The following CLPTM1L variants were observed in gnomAD, a reference collection of about 807,000 sequenced individuals.
CLPTM1L encodes CLPTM1 like, also known as lipid scramblase CLPTM1L.
A neutral mutation model predicts 70.9 loss-of-function variants in CLPTM1L; 38 were observed. That is an observed-to-expected ratio of 0.54 (90% confidence interval 0.41 to 0.70). The LOEUF (loss-of-function observed/expected upper bound fraction) is 0.70, where lower values mean the gene tolerates loss of function less well. Among genes scored for constraint, CLPTM1L ranks in the 30% least tolerant of loss-of-function variants. The pLI is 0.00. For missense variants in CLPTM1L, 652 were observed against 705.9 expected (o/e 0.92, Z 0.87); for synonymous variants, 339 against 299.9 (o/e 1.13, Z -1.35).
chr5:1,319,711 G>A (rs879502077), intron 16 of CLPTM1L, among the ~76,000 whole-genome samples: 1 of 152,228 alleles, frequency 6.6e-6, no homozygotes, highest in Non-Finnish European at 1.5e-5. Flanking sequence ...TCCTGGTCGG[G>A]GGAGGGAGAT....
intron 13 of CLPTM1L, 64 bp from the exon 14 acceptor site, chr5:1,321,883 C>A: frequency 2.0e-6 from 3 of 1,489,940 alleles, no homozygotes; most frequent in Non-Finnish European, 2.8e-6. Flanking sequence ...TACGCACAGA[C>A]GGCACTCACG....
rs755304595 is a variant in CLPTM1L, at chr5:1,341,679, C to G, written c.445G>C (p.Asp149His). 1.2e-6 allele frequency: 2 copies of G among 1,606,800 alleles called. No homozygotes were observed. The highest frequency in any genetic ancestry group is 8.5e-7 in the Non-Finnish European group (1 of 1,174,132). The change falls in exon 3 of 17, where the codon GAT (aspartate) becomes CAT (histidine). Residue 149 changes from aspartate to histidine, a missense_variant. Physicochemically the swap from Asp to His is moderately conservative, Grantham distance 81. This residue lies in a region of CLPTM1L where 402 missense variants were observed against 388.2 expected (regional missense o/e 1.04). Transcript: ENST00000320895. ...EEINLLTGES[D>H]TQQIEAEKKP... is the part of the protein sequence containing the mutation. ...CCCATGAAGACCCTCACCTGTGTAT[C>G]AGACTCCCCGGTGAGCAGGTTGATT... is the stretch of plus-strand genomic sequence containing the variant.
intron 7 of CLPTM1L, among the ~76,000 whole-genome samples, chr5:1,333,729 C>T (rs55702039): frequency 1.1e-4 from 14 of 130,304 alleles, no homozygotes; most frequent in African/African-American, 1.2e-4. Flanking sequence ...TGTATACACA[C>T]CGGATGAGGA....
chr5:1,327,943 G>C (rs62329695), intron 9 of CLPTM1L, among the ~76,000 whole-genome samples: 15 of 21,890 alleles, frequency 6.9e-4, no homozygotes, highest in African/African-American at 2.6e-3. Flanking sequence ...GCTCCTCCTC[G>C]ACAGACACAT....
At chr5:1,343,753 C>T (rs1220714059) in intron 2 of CLPTM1L, among the ~76,000 whole-genome samples, 2 of 152,188 alleles carry the variant, frequency 1.3e-5, no homozygotes, top group African/African-American at 4.8e-5. Context: ...TTTCATTATT[C>T]TCTCCTCAGA....
rs191101905 is a variant in CLPTM1L at position 1,341,875 on chromosome 5, T to C, written c.264-15A>G. The C allele has an allele frequency of 1.9e-4, 302 of 1,593,326 alleles. 1 individual carries two copies. The East Asian group carries it at 4.7e-3, about 25-fold the overall frequency. On this transcript the variant is annotated splice_polypyrimidine_tract_variant and intron_variant, in intron 2 of 16. Transcript: ENST00000320895. ...CATTAACTGTCCTGAAACAGAACAA[T>C]CATTTCCACTACATACATATTATAT...
chr5:1,334,161 G>T (rs1753394486), intron 7 of CLPTM1L, 128 bp downstream of exon 7: 3 of 631,280 alleles, frequency 4.8e-6, no homozygotes, highest in East Asian at 5.7e-5. Flanking sequence ...TGAGTGATGG[G>T]AGTGGACACT....
chr5:1,324,530 C>T (rs969037370), intron 11 of CLPTM1L, among the ~76,000 whole-genome samples: 10 of 152,206 alleles, frequency 6.6e-5, no homozygotes, highest in African/African-American at 1.9e-4. Context: ...CCCTACTATA[C>T]GGTGACACAG....
At chr5:1,338,288 G>A (rs1290911783) in intron 4 of CLPTM1L, 6 of 444,542 alleles carry the variant, frequency 1.3e-5, no homozygotes, top group East Asian at 4.4e-5. Flanking sequence ...GGCCCTCTGC[G>A]CACTGACACG....
In CLPTM1L at chr5:1,333,751, T is replaced by C. The variant is rs924324248; in HGVS notation, c.891+538A>G. Among the ~76,000 whole-genome samples the C allele has an allele frequency of 1.4e-4, 21 of 151,200 alleles. No individual in the cohort carries two copies. In the East Asian group the frequency reaches 3.5e-3, roughly 25 times the overall value. ...ACACCGGATGAGGATAAGGGGGGAC[T>C]ACTGTATACACACCGGATGAGGATA... On this transcript the variant is annotated intron_variant, in intron 7 of 16. Coordinates refer to ENST00000320895, the MANE Select transcript of CLPTM1L (RefSeq NM_030782.5).
rs3222913 is a variant in CLPTM1L at position 1,342,039 on chromosome 5, T to TGTGTGTGTGTGTGTGCGCGCGC, written c.264-180_264-179insGCGCGCGCACACACACACACAC. Among the ~76,000 whole-genome samples, 8 of 148,976 alleles carry TGTGTGTGTGTGTGTGCGCGCGC rather than the reference T, an allele frequency of 5.4e-5. No individual in the cohort carries two copies. Among genetic ancestry groups the TGTGTGTGTGTGTGTGCGCGCGC allele is most frequent in the South Asian group, 2.1e-4 (1 of 4,758 alleles). ...GTGTGTGTGTGTGTGTGTGTGTGTG[T>TGTGTGTGTGTGTGTGCGCGCGC]GCACGCGCACGCGTGCGCGTCCTGA... On this transcript the variant is annotated intron_variant, in intron 2 of 16. Transcript: ENST00000320895. The surrounding 1 kb of genome is among the most constrained non-coding windows in gnomAD (Gnocchi z 4.3).
intron 5 of CLPTM1L, among the ~76,000 whole-genome samples, chr5:1,337,318 C>T (rs1753637625): frequency 6.6e-6 from 1 of 152,250 alleles, no homozygotes; most frequent in Non-Finnish European, 1.5e-5. Context: ...GGCCACATTT[C>T]ATCTCCTCTC....
In CLPTM1L at chr5:1,344,224, C is replaced by T. The variant is rs556814924; in HGVS notation, c.263+127G>A. On this transcript the variant is annotated intron_variant, in intron 2 of 16. Coordinates refer to ENST00000320895, the MANE Select transcript of CLPTM1L (RefSeq NM_030782.5). ...TAGGCCTCCAGTTAGGATATTCTAC[C>T]ACTTCAAGACATTCGGTAAGACTAG... The T allele has an allele frequency of 5.7e-5, 40 of 703,704 alleles. No individual in the cohort carries two copies. In the Admixed American group the frequency reaches 8.3e-4, roughly 15 times the overall value. The allele number at this position is 703,704 out of a possible 1,614,324, so 43.6% of individuals were successfully genotyped here. A position where few individuals can be genotyped will look rare whatever the true frequency, so the allele number is the denominator to read the frequency against.
rs750559372 is a variant in CLPTM1L, at chr5:1,330,402, G to C, written c.977-19C>G. 1 of 1,605,686 alleles carries C rather than the reference G, an allele frequency of 6.2e-7. No homozygotes were observed. The highest frequency in any genetic ancestry group is 2.2e-5 in the East Asian group (1 of 44,812). ...CAGAGCACTGGGGACAGGATGGTCG[G>C]GCTGGGAGGGGGTGCAGGGCAGACC... On this transcript the variant is annotated intron_variant, in intron 8 of 16. Coordinates refer to ENST00000320895, the MANE Select transcript of CLPTM1L (RefSeq NM_030782.5).
In CLPTM1L at chr5:1,318,296, T is replaced by C. The variant is rs1003270031; in HGVS notation, c.*73A>G. 8 of 1,229,926 alleles carry C rather than the reference T, an allele frequency of 6.5e-6. No individual in the cohort carries two copies. The Admixed American group carries it at 7.0e-5, about 11-fold the overall frequency. 76.2% of individuals were successfully genotyped at this position (1,229,926 alleles called of 1,614,324 possible). Reference sequence around the variant, plus strand: ...ACACAGAAAACGCAATGTCTAGGAATTCCTCCAAATGCTTCCAAAAATACT... The same window carrying C: ...ACACAGAAAACGCAATGTCTAGGAACTCCTCCAAATGCTTCCAAAAATACT... On this transcript the variant is annotated 3_prime_UTR_variant, in exon 17 of 17. Transcript: ENST00000320895. The surrounding 1 kb of genome is among the most constrained non-coding windows in gnomAD (Gnocchi z 8.9).
chr5:1,318,110 C>T lies in CLPTM1L; in HGVS notation c.*259G>A, dbSNP rs1429691536. 7 of 508,020 alleles carry T rather than the reference C, an allele frequency of 1.4e-5. No individual in the cohort carries two copies. The highest frequency in any genetic ancestry group is 3.8e-5 in the Admixed American group (1 of 26,532). The allele number at this position is 508,020 out of a possible 1,614,324, so 31.5% of individuals were successfully genotyped here. A position where few individuals can be genotyped will look rare whatever the true frequency, so the allele number is the denominator to read the frequency against. ...AGGACATGGCCGAACCCCGGACACT[C>T]GTGTGCCGGGAGCCACCACAGCTCA... On this transcript the variant is annotated 3_prime_UTR_variant, in exon 17 of 17. Coordinates refer to ENST00000320895, the MANE Select transcript of CLPTM1L (RefSeq NM_030782.5). The surrounding 1 kb of genome is among the most constrained non-coding windows in gnomAD (Gnocchi z 8.9).
intron 2 of CLPTM1L, among the ~76,000 whole-genome samples, chr5:1,343,534 A>G (rs1013176535): frequency 6.6e-6 from 1 of 152,222 alleles, no homozygotes; most frequent in African/African-American, 2.4e-5. Flanking sequence ...AATCCTGAGC[A>G]TTTTTGAAAG....
At position 1,331,981 on chromosome 5, in the gene CLPTM1L, G is replaced by C. The variant is rs577703342; in HGVS notation, c.892-98C>G. The C allele has an allele frequency of 5.4e-5, 52 of 963,942 alleles. No individual in the cohort carries two copies. In the African/African-American group the frequency reaches 7.6e-4, roughly 14 times the overall value. The allele number at this position is 963,942 out of a possible 1,614,324, so 59.7% of individuals were successfully genotyped here. A position where few individuals can be genotyped will look rare whatever the true frequency, so the allele number is the denominator to read the frequency against. On this transcript the variant is annotated intron_variant, in intron 7 of 16. Transcript: ENST00000320895. The stretch of plus-strand genomic sequence containing the variant: ...TTCGTGTGTGACCGTGAGACTGCAG[G>C]TGTACTCAGCCTCAGGATGCATCAG...
intron 2 of CLPTM1L, among the ~76,000 whole-genome samples, chr5:1,343,339 G>A (rs960395398): frequency 1.3e-5 from 2 of 152,172 alleles, no homozygotes; most frequent in African/African-American, 4.8e-5. Flanking sequence ...TATTTCTGGT[G>A]GAATGTGCAC....
Sources: gnomAD v4.1 joint callset for allele counts (sites outside exome capture counted in the v4.1 genomes callset) on GRCh38, gnomAD v4.1.1 for gene constraint, gnomAD v4.1.1 regional missense constraint, Gnocchi (gnomAD v3.1) non-coding constraint, MANE v1.5 for transcripts, NCBI Gene and HGNC (gene_info 2026-07-23, HGNC 2026-07-21) for gene names.